Variants in LOXL3 observed in about 807,000 individuals in gnomAD.
LOXL3 encodes the protein lysyl oxidase homolog 3.
LOXL3 carries 60 observed loss-of-function variants against 91.8 expected under a neutral mutation model. The ratio of observed to expected loss-of-function variants is 0.65; its 90% CI spans 0.53 to 0.81. The LOEUF is 0.81. Ranked by LOEUF, LOXL3 falls within the 30% of genes least tolerant of loss-of-function variation. The pLI is 0.00. For missense variants in LOXL3, 874 were observed against 1,000.4 expected (o/e 0.87, Z 1.70); for synonymous variants, 355 against 387.6 (o/e 0.92, Z 0.99).
At chr2:74,553,237 C>T (rs1053954464) in intron 1 of LOXL3, among the ~76,000 whole-genome samples, 1 of 152,156 alleles carries the variant, frequency 6.6e-6, no homozygotes, top group Non-Finnish European at 1.5e-5. Context: ...CCCTAGGCGG[C>T]CCTGGGATCA....
chr2:74,545,858 G>A (rs533153434), intron 4 of LOXL3, among the ~76,000 whole-genome samples: 5 of 152,106 alleles, frequency 3.3e-5, no homozygotes, highest in Non-Finnish European at 7.4e-5. Context: ...GACTTTATAT[G>A]TTTTACTCAA....
At chr2:74,553,533 A>G (rs1432719028) in intron 1 of LOXL3, among the ~76,000 whole-genome samples, 15 of 152,158 alleles carry the variant, frequency 9.9e-5, no homozygotes. Flanking sequence ...TAGGGCTGAG[A>G]ACAGCCCCTC....
At position 74,533,385 on chromosome 2, in the gene LOXL3, G is replaced by T. The variant is rs1675768044; in HGVS notation, c.*221C>A. ...TGGTGGGCTCTGGTCTGTTCTGCTC[G>T]GTGCTGGGCCTGGGAGCAAAGATTC... On this transcript the variant is annotated 3_prime_UTR_variant, in exon 14 of 14. Transcript: ENST00000264094. 3.6e-6 allele frequency: 2 copies of T among 563,074 alleles called. No individual in the cohort carries two copies. Among genetic ancestry groups the T allele is most frequent in the South Asian group, 4.1e-5 (2 of 48,526 alleles). 34.9% of individuals were successfully genotyped at this position (563,074 alleles called of 1,614,324 possible). A position where few individuals can be genotyped will look rare whatever the true frequency, so the allele number is the denominator to read the frequency against.
At chr2:74,555,074 C>T, upstream of LOXL3, 1 of 1,505,862 alleles carries the variant, frequency 6.6e-7, no homozygotes, top group Non-Finnish European at 8.9e-7. This position sits in a 1 kb window ranked among gnomAD's most constrained non-coding sequence, Gnocchi z 6.1. Context: ...AATCGACTTG[C>T]GCCGCAACCT....
chr2:74,534,150 A>G lies in LOXL3; in HGVS notation c.2026T>C (p.Cys676Arg), dbSNP rs1675837749. 1 of 1,614,098 alleles carries G rather than the reference A, an allele frequency of 6.2e-7. No individual in the cohort carries two copies. Among genetic ancestry groups the G allele is most frequent in the Non-Finnish European group, 8.5e-7 (1 of 1,180,036 alleles). Residue 676 changes from cysteine to arginine, a missense_variant, in exon 12 of 14, where the codon TGT (cysteine) becomes CGT (arginine). Coordinates refer to ENST00000264094, the MANE Select transcript of LOXL3 (RefSeq NM_032603.5). ...ACATCCGTGATGTCAATCCACTGAC[A>G]GTCAATGTCATGCCGGTAGAGATCC... ...CWDLYRHDID[C>R]QWIDITDVKP...
Position 74,533,709 on chromosome 2 carries a change from G to A in LOXL3, c.2189-30C>T, listed in dbSNP as rs371861234. On this transcript the variant is annotated intron_variant, in intron 13 of 13. Transcript: ENST00000264094. The stretch of plus-strand genomic sequence containing the variant: ...AGAGTGGACAGGCAATTTGGGAGGC[G>A]CCCTGCACAGAGGGAGGGAGATAGA... 58 of 1,602,040 alleles carry A rather than the reference G, an allele frequency of 3.6e-5. No individual in the cohort carries two copies. In the East Asian group the frequency reaches 5.8e-4, roughly 16 times the overall value.
chr2:74,539,124 C>G (rs949655455), intron 4 of LOXL3, among the ~76,000 whole-genome samples: 7 of 152,314 alleles, frequency 4.6e-5, no homozygotes, highest in African/African-American at 1.7e-4. Context: ...TCTTGTGTGG[C>G]CCCCTGACCA....
rs1675963285 is a variant in LOXL3, at chr2:74,535,521, C to T, written c.1416+67G>A. 6.2e-7 allele frequency: 1 copy of T among 1,611,782 alleles called. No homozygotes were observed. The highest frequency in any genetic ancestry group is 8.5e-7 in the Non-Finnish European group (1 of 1,179,756). On this transcript the variant is annotated intron_variant, in intron 8 of 13. Transcript: ENST00000264094. This position sits in a 1 kb window ranked among gnomAD's most constrained non-coding sequence, Gnocchi z 4.2. ...GCATCTTGGGCCAAGGGACTCATTC[C>T]TCAGCCCTCTGCCCAAAACACAGGC...
At chr2:74,542,626 C>CTTTTTT (rs1188624876) in intron 4 of LOXL3, among the ~76,000 whole-genome samples, 12 of 140,960 alleles carry the variant, frequency 8.5e-5, no homozygotes, top group African/African-American at 2.8e-4. Flanking sequence ...TCTCTTCCTA[C>CTTTTTT]TTTTTTTTTT....
rs550171858 is a variant in LOXL3 at position 74,532,831 on chromosome 2, G to A, written c.*775C>T. The A allele has an allele frequency of 1.9e-5, 30 of 1,614,012 alleles. No homozygotes were observed. The highest frequency in any genetic ancestry group is 1.6e-4 in the African/African-American group (12 of 74,964). ...ATTTTTCTCTATAGGGCTGGTCTGC[G>A]GCCTGGTGATGTGATTTTGGCCATT... On this transcript the variant is annotated 3_prime_UTR_variant, in exon 14 of 14. Transcript: ENST00000264094.
chr2:74,547,727 T>TA (rs1676688971), intron 4 of LOXL3, among the ~76,000 whole-genome samples: 2 of 151,182 alleles, frequency 1.3e-5, no homozygotes, highest in African/African-American at 4.9e-5. Flanking sequence ...AATCTACACA[T>TA]AAGTAATATT....
rs772615508 is a variant in LOXL3 at position 74,550,223 on chromosome 2, G to T, written c.439C>A (p.Gln147Lys). 1 of 1,614,112 alleles carries T rather than the reference G, an allele frequency of 6.2e-7. No homozygotes were observed. The highest frequency in any genetic ancestry group is 8.5e-7 in the Non-Finnish European group (1 of 1,180,006). Reference protein sequence around the residue: ...DEDAGVICKDQRLPGFSDSNV... With the variant: ...DEDAGVICKDKRLPGFSDSNV... ...GAGTCCGAGAAGCCAGGGAGGCGCT[G>T]GTCTTTGCAGATGACCCCAGCATCC... is the stretch of plus-strand genomic sequence containing the variant. The change falls in exon 3 of 14, where the codon CAG (glutamine) becomes AAG (lysine). Residue 147 changes from glutamine (Q) to lysine (K), a missense_variant. Transcript: ENST00000264094.
Position 74,535,981 on chromosome 2 carries a change from G to A in LOXL3, c.1248+15C>T. The A allele has an allele frequency of 6.4e-7, 1 of 1,552,944 alleles. No homozygotes were observed. Among genetic ancestry groups the A allele is most frequent in the South Asian group, 1.2e-5 (1 of 80,172 alleles). On this transcript the variant is annotated intron_variant, in intron 7 of 13. Transcript: ENST00000264094. The surrounding 1 kb of genome is among the most constrained non-coding windows in gnomAD (Gnocchi z 4.2). The stretch of plus-strand genomic sequence containing the variant: ...GATGAAAGAGACCTCAACCAAGGTA[G>A]AGAGGATGACTGACCCTGGTCTCTG...
chr2:74,551,857 G>C (rs766084549), intron 2 of LOXL3, among the ~76,000 whole-genome samples: 11 of 152,212 alleles, frequency 7.2e-5, no homozygotes, highest in Non-Finnish European at 1.0e-4. Flanking sequence ...TTTTATACTT[G>C]TCCTTAGACA....
chr2:74,534,930 A>G (rs937159339), intron 9 of LOXL3, among the ~76,000 whole-genome samples, 156 bp from the exon 10 acceptor site: 2 of 152,208 alleles, frequency 1.3e-5, no homozygotes, highest in South Asian at 2.1e-4. Context: ...CGAGGCTGGA[A>G]TGCAGCGGCG....
upstream of LOXL3, chr2:74,554,383 G>A (rs1573036167): frequency 3.3e-4 from 81 of 243,060 alleles, no homozygotes; most frequent in Middle Eastern, 2.7e-3. This position sits in a 1 kb window ranked among gnomAD's most constrained non-coding sequence, Gnocchi z 4.9. Flanking sequence ...GCCCGTGTGG[G>A]TCTCTCCGGT....
At chr2:74,555,202 G>A (rs749816844), upstream of LOXL3, 22 of 1,613,556 alleles carry the variant, frequency 1.4e-5, no homozygotes, top group South Asian at 2.4e-4. This position sits in a 1 kb window ranked among gnomAD's most constrained non-coding sequence, Gnocchi z 6.1. Flanking sequence ...TCCCCACGGC[G>A]TAGCGCGGCT....
At chr2:74,548,360 C>G (rs956631145) in intron 4 of LOXL3, among the ~76,000 whole-genome samples, 1 of 152,120 alleles carries the variant, frequency 6.6e-6, no homozygotes, top group Non-Finnish European at 1.5e-5. Context: ...TAGGGAAGAC[C>G]TGAACTGGTT....
intron 4 of LOXL3, among the ~76,000 whole-genome samples, chr2:74,540,718 TGA>T (rs148972153): frequency 0.072 from 10,590 of 147,514 alleles, 1,104 homozygotes; most frequent in African/African-American, 0.23. Context: ...CAGGCTGCAG[TGA>T]GCCATGGTGC....
Sources: gnomAD v4.1 joint callset for allele counts (sites outside exome capture counted in the v4.1 genomes callset) on GRCh38, gnomAD v4.1.1 for gene constraint, Gnocchi (gnomAD v3.1) non-coding constraint, MANE v1.5 for transcripts, NCBI Gene and HGNC (gene_info 2026-07-23, HGNC 2026-07-21) for gene names.